Variants in TEC observed in about 807,000 individuals in gnomAD.
The protein encoded by TEC is tec protein tyrosine kinase.
TEC carries 72 observed loss-of-function variants against 93.0 expected under a neutral mutation model. The observed-to-expected ratio is 0.77, with a 90% CI of 0.64 to 0.94. TEC has a LOEUF of 0.94. Among genes scored for constraint, TEC ranks in the 40% least tolerant of loss-of-function variants. The pLI is 0.00. For missense variants in TEC, 630 were observed against 757.9 expected, an observed-to-expected ratio of 0.83 and a Z score of 1.98; for synonymous variants, 249 against 247.7, an observed-to-expected ratio of 1.01 and a Z score of -0.05.
intron 2 of TEC, among the ~76,000 whole-genome samples, chr4:48,194,653 G>T (rs1218465675): frequency 6.6e-6 from 1 of 152,170 alleles, no homozygotes; most frequent in African/African-American, 2.4e-5. Context: ...GAGTTGGGGG[G>T]AGTGAGGAAG....
At chr4:48,141,893 A>AGGAG (rs1476597315) in intron 14 of TEC, among the ~76,000 whole-genome samples, 7 of 151,968 alleles carry the variant, frequency 4.6e-5, no homozygotes, top group African/African-American at 1.7e-4. Flanking sequence ...TCCTGACCTC[A>AGGAG]TCCATCTGCC....
intron 9 of TEC, among the ~76,000 whole-genome samples, chr4:48,154,339 C>T (rs1720309473): frequency 6.6e-6 from 1 of 152,208 alleles, no homozygotes; most frequent in Non-Finnish European, 1.5e-5. Context: ...TGATTAAGGT[C>T]ATAAAACTGC....
intron 9 of TEC, among the ~76,000 whole-genome samples, chr4:48,151,507 G>C (rs996084184): frequency 2.6e-5 from 4 of 151,956 alleles, no homozygotes; most frequent in African/African-American, 9.7e-5. Context: ...TTTTTTCTGA[G>C]ACAGAGTCTC....
intron 2 of TEC, among the ~76,000 whole-genome samples, chr4:48,198,120 C>T (rs1722363553): frequency 6.6e-6 from 1 of 152,232 alleles, no homozygotes; most frequent in Admixed American, 6.5e-5. Context: ...TCATTTCCTA[C>T]CTGGTGATGT....
chr4:48,182,785 G>A (rs887201546), intron 2 of TEC, among the ~76,000 whole-genome samples: 1 of 152,022 alleles, frequency 6.6e-6, no homozygotes, highest in Non-Finnish European at 1.5e-5. Context: ...TTAATTTCCA[G>A]AATACTCTGT....
chr4:48,212,110 A>ATATAT (rs1553892128), intron 2 of TEC, among the ~76,000 whole-genome samples: 25 of 122,264 alleles, frequency 2.0e-4, no homozygotes, highest in Admixed American at 3.0e-4. Flanking sequence ...AAAAAAAAAA[A>ATATAT]ATATATATAT....
chr4:48,150,070 C>T (rs967444576), intron 10 of TEC, among the ~76,000 whole-genome samples: 1 of 152,148 alleles, frequency 6.6e-6, no homozygotes, highest in Non-Finnish European at 1.5e-5. Flanking sequence ...TTTAAATATT[C>T]AACTTGAGGG....
intron 9 of TEC, among the ~76,000 whole-genome samples, chr4:48,156,140 G>A (rs921737766): frequency 1.1e-4 from 16 of 152,116 alleles, no homozygotes; most frequent in African/African-American, 3.9e-4. Context: ...CAAGGCTTTG[G>A]GTATATGAAA....
At chr4:48,164,163 T>C (rs995026080) in intron 7 of TEC, among the ~76,000 whole-genome samples, 3 of 152,244 alleles carry the variant, frequency 2.0e-5, no homozygotes, top group African/African-American at 7.2e-5. Flanking sequence ...GTTTTGCTGA[T>C]ATGTGTTAAA....
At chr4:48,155,756 T>A (rs1198471829) in intron 9 of TEC, 2 of 152,172 alleles carry the variant, frequency 1.3e-5, no homozygotes, top group South Asian at 4.1e-4. Flanking sequence ...AGCTGCTGGA[T>A]TCTACAGTGC....
At chr4:48,189,778 T>C (rs4235153) in intron 2 of TEC, among the ~76,000 whole-genome samples, 105,768 of 152,178 alleles carry the variant, frequency 0.7, 37,076 homozygotes, top group African/African-American at 0.79. Context: ...ATAGGTAAGA[T>C]TTATAATAGC....
intron 2 of TEC, among the ~76,000 whole-genome samples, chr4:48,227,159 C>T (rs532633989): frequency 6.6e-6 from 1 of 152,234 alleles, no homozygotes; most frequent in East Asian, 1.9e-4. Context: ...TCCTAAATTA[C>T]ATGAACCTGC....
At chr4:48,146,547 T>C (rs1719921170) in intron 11 of TEC, 148 bp from the exon 12 acceptor site, 3 of 626,878 alleles carry the variant, frequency 4.8e-6, no homozygotes, top group Non-Finnish European at 8.2e-6. Flanking sequence ...CTATATGCTT[T>C]TATTCATTCA....
At chr4:48,207,393 T>A (rs1194664792) in intron 2 of TEC, among the ~76,000 whole-genome samples, 4 of 152,156 alleles carry the variant, frequency 2.6e-5, no homozygotes, top group African/African-American at 9.7e-5. Flanking sequence ...CATTCCCAAA[T>A]GTCCTTTTAG....
intron 2 of TEC, among the ~76,000 whole-genome samples, chr4:48,198,859 G>A (rs1374843296): frequency 6.6e-6 from 1 of 152,152 alleles, no homozygotes; most frequent in Non-Finnish European, 1.5e-5. Context: ...AATCCCAGAA[G>A]CCAGTCTTGA....
intron 2 of TEC, among the ~76,000 whole-genome samples, chr4:48,179,242 C>A (rs1577726221): frequency 6.6e-6 from 1 of 150,984 alleles, no homozygotes; most frequent in East Asian, 1.9e-4. Flanking sequence ...GATTACTACA[C>A]CCATTTTACT....
intron 1 of TEC, among the ~76,000 whole-genome samples, chr4:48,256,482 A>C (rs1724348697): frequency 6.6e-6 from 1 of 150,964 alleles, no homozygotes; most frequent in South Asian, 2.1e-4. Context: ...AGTCCCAGCC[A>C]CTAGAGAGGC....
intron 2 of TEC, among the ~76,000 whole-genome samples, chr4:48,206,777 C>CA (rs34761710): frequency 0.024 from 2,177 of 89,136 alleles, 48 homozygotes; most frequent in African/African-American, 0.057. Flanking sequence ...CTCGTTGCTA[C>CA]AAAAAAAAAA....
At chr4:48,145,695 TA>T in intron 12 of TEC, 116 bp from the exon 13 acceptor site, 1 of 1,119,142 alleles carries the variant, frequency 8.9e-7, no homozygotes. Context: ...GATAACACTG[TA>T]ATAATTCCTG....
Sources: gnomAD v4.1 joint callset for allele counts (sites outside exome capture counted in the v4.1 genomes callset) on GRCh38, gnomAD v4.1.1 for gene constraint, MANE v1.5 for transcripts, NCBI Gene and HGNC (gene_info 2026-07-23, HGNC 2026-07-21) for gene names.